Variants in GRID2 observed in about 807,000 individuals in gnomAD.
GRID2 encodes the protein glutamate receptor ionotropic, delta-2.
A neutral mutation model predicts 114.8 loss-of-function variants in GRID2; 33 were observed. The ratio of observed to expected loss-of-function variants is 0.29; its 90% CI spans 0.22 to 0.38. The LOEUF (loss-of-function observed/expected upper bound fraction) is 0.38, where lower values mean the gene tolerates loss of function less well. Among genes scored for constraint, GRID2 ranks in the 10% least tolerant of loss-of-function variants. The pLI is 1.00. For missense variants in GRID2, 1,184 were observed against 1,257.7 expected, an observed-to-expected ratio of 0.94 and a Z score of 0.89; for synonymous variants, 505 against 449.9, an observed-to-expected ratio of 1.12 and a Z score of -1.55.
At chr4:92,975,156 C>CAAAAAAAAGAAAAAAA (rs1753785576) in intron 2 of GRID2, among the ~76,000 whole-genome samples, 1 of 46,692 alleles carries the variant, frequency 2.1e-5, no homozygotes, top group Non-Finnish European at 3.7e-5. Flanking sequence ...GATTCCGCCT[C>CAAAAAAAAGAAAAAAA]AAAAAAAAAA....
chr4:93,696,269 T>G (rs1727010664), intron 14 of GRID2, among the ~76,000 whole-genome samples: 1 of 148,004 alleles, frequency 6.8e-6, no homozygotes, highest in South Asian at 2.1e-4. Context: ...AGCTGGCTTC[T>G]CTCTCAAACT....
intron 13 of GRID2, among the ~76,000 whole-genome samples, chr4:93,587,345 G>A (rs1441093392): frequency 6.6e-6 from 1 of 152,088 alleles, no homozygotes. Context: ...CAACGTATTT[G>A]ATAGATATGT....
chr4:92,603,981 C>A (rs1180959045), intron 2 of GRID2, among the ~76,000 whole-genome samples: 1 of 151,904 alleles, frequency 6.6e-6, no homozygotes, highest in East Asian at 1.9e-4. Context: ...ATCAAAACAA[C>A]AATGAGATAC....
chr4:92,396,024 T>G lies in GRID2; in HGVS notation c.88+91280T>G, dbSNP rs181652286. ...TTAAGTAATAGAAGAATTTTTATGA[T>G]ACAGAGAAATAGTATGATAAGACAT... On this transcript the variant is annotated intron_variant, in intron 1 of 15. Transcript: ENST00000282020. 2.4e-3 allele frequency among the ~76,000 whole-genome samples: 368 copies of G among 152,006 alleles called. 1 individual carries two copies. The highest frequency in any genetic ancestry group is 8.5e-3 in the African/African-American group (354 of 41,556).
chr4:92,720,802 G>A (rs1735775545), intron 2 of GRID2, among the ~76,000 whole-genome samples: 3 of 152,000 alleles, frequency 2.0e-5, no homozygotes, highest in Admixed American at 6.6e-5. Context: ...TACCCTCTGG[G>A]TATATACCCA....
intron 14 of GRID2, among the ~76,000 whole-genome samples, chr4:93,663,516 G>A (rs544737937): frequency 6.6e-6 from 1 of 152,222 alleles, no homozygotes; most frequent in South Asian, 2.1e-4. Flanking sequence ...GTGTGTGTAT[G>A]TGTGTGTGTC....
intron 14 of GRID2, among the ~76,000 whole-genome samples, chr4:93,718,551 T>TG (rs557323056): frequency 1.1e-3 from 162 of 152,310 alleles, no homozygotes; most frequent in African/African-American, 3.6e-3. Context: ...ATTTTTTCTT[T>TG]TTTGTTTGAT....
rs182166041 is a variant in GRID2 at position 93,317,654 on chromosome 4, T to C, written c.1246-77953T>C. On this transcript the variant is annotated intron_variant, in intron 8 of 15. Transcript: ENST00000282020. Reference sequence around the variant, plus strand: ...TTCCTGTTGTTATTTTAAAATCACATCAGTTGAAGAATATGAATGTCTACA... The same window carrying C: ...TTCCTGTTGTTATTTTAAAATCACACCAGTTGAAGAATATGAATGTCTACA... 5.3e-3 allele frequency among the ~76,000 whole-genome samples: 811 copies of C among 152,128 alleles called. 8 individuals are homozygous for C. Among genetic ancestry groups the C allele is most frequent in the African/African-American group, 0.019 (771 of 41,538 alleles).
At chr4:92,823,211 A>T (rs1340833613) in intron 2 of GRID2, among the ~76,000 whole-genome samples, 3 of 152,118 alleles carry the variant, frequency 2.0e-5, no homozygotes, top group African/African-American at 7.2e-5. Flanking sequence ...TGGAGAAAAG[A>T]AGTTGTCTAT....
chr4:92,809,674 A>G (rs1560605090), intron 2 of GRID2, among the ~76,000 whole-genome samples: 1 of 151,984 alleles, frequency 6.6e-6, no homozygotes, highest in African/African-American at 2.4e-5. Flanking sequence ...ACATTGGCAA[A>G]CCAAACAGAA....
rs541537795 is a variant in GRID2 at position 92,971,440 on chromosome 4, G to A, written c.245-113555G>A. On this transcript the variant is annotated intron_variant, in intron 2 of 15. Transcript: ENST00000282020. Reference sequence around the variant, plus strand: ...TATTTTTAGTTGACATGTAATAATTGTACATACACAGTTATATTTTAATAT... The same window carrying A: ...TATTTTTAGTTGACATGTAATAATTATACATACACAGTTATATTTTAATAT... 4.0e-5 allele frequency among the ~76,000 whole-genome samples: 6 copies of A among 151,722 alleles called. No homozygotes were observed. The South Asian group carries it at 1.0e-3, about 26-fold the overall frequency.
chr4:92,871,345 G>T (rs1400265508), intron 2 of GRID2, among the ~76,000 whole-genome samples: 2 of 151,634 alleles, frequency 1.3e-5, no homozygotes, highest in African/African-American at 2.4e-5. Context: ...AAGTTAAAAG[G>T]TTAAGTAAAT....
chr4:93,002,345 T>C (rs924664551), intron 2 of GRID2, among the ~76,000 whole-genome samples: 2 of 151,776 alleles, frequency 1.3e-5, no homozygotes, highest in African/African-American at 4.8e-5. Context: ...TCTACTGTAA[T>C]ACAAAATATA....
intron 2 of GRID2, among the ~76,000 whole-genome samples, chr4:92,816,860 A>T (rs1379585811): frequency 2.6e-5 from 4 of 152,204 alleles, no homozygotes; most frequent in African/African-American, 9.6e-5. Flanking sequence ...TTTACAATAA[A>T]TAAAAACTGT....
At chr4:92,430,044 TTG>T (rs1331280228) in intron 1 of GRID2, among the ~76,000 whole-genome samples, 2 of 152,228 alleles carry the variant, frequency 1.3e-5, no homozygotes, top group Non-Finnish European at 2.9e-5. Context: ...TTTTCTCCCA[TTG>T]TGTGAGTTGT....
intron 2 of GRID2, among the ~76,000 whole-genome samples, chr4:92,597,353 TATC>T (rs1729004070): frequency 6.6e-6 from 1 of 152,162 alleles, no homozygotes; most frequent in Non-Finnish European, 1.5e-5. Flanking sequence ...CCTCATTTGA[TATC>T]ATACTCTTGA....
chr4:92,879,655 T>C (rs1379866826), intron 2 of GRID2, among the ~76,000 whole-genome samples: 3 of 152,246 alleles, frequency 2.0e-5, no homozygotes, highest in Non-Finnish European at 4.4e-5. Context: ...CAAAGAGACT[T>C]TCAATTATAT....
intron 2 of GRID2, among the ~76,000 whole-genome samples, chr4:92,714,447 C>A (rs549534632): frequency 1.3e-5 from 2 of 152,238 alleles, no homozygotes; most frequent in South Asian, 4.1e-4. Context: ...AGAATGGTAG[C>A]CCTCTTCTCA....
chr4:93,183,286 T>A (rs537880519), intron 4 of GRID2, among the ~76,000 whole-genome samples: 2 of 152,340 alleles, frequency 1.3e-5, no homozygotes, highest in East Asian at 3.9e-4. Flanking sequence ...TTTTACCTTT[T>A]ATCCATGTCT....
Sources: gnomAD v4.1 joint callset for allele counts (sites outside exome capture counted in the v4.1 genomes callset) on GRCh38, gnomAD v4.1.1 for gene constraint, MANE v1.5 for transcripts, NCBI Gene and HGNC (gene_info 2026-07-23, HGNC 2026-07-21) for gene names.